Variants in EFHD1 observed in about 807,000 individuals in gnomAD.
EFHD1 encodes EF-hand domain family member D1, also known as EF-hand domain-containing protein D1.
In EFHD1, 10 loss-of-function variants were observed where a neutral mutation model predicts 17.2. That is an observed-to-expected ratio of 0.58 (90% CI 0.36 to 0.99). EFHD1 has a LOEUF of 0.99. Ranked by LOEUF, EFHD1 falls within the 50% of genes least tolerant of loss-of-function variation. EFHD1 has a pLI of 0.01. For missense variants in EFHD1, 310 were observed against 327.5 expected (o/e 0.95, Z 0.41); for synonymous variants, 153 against 142.0 (o/e 1.08, Z -0.55).
At chr2:232,647,788 C>A (rs1004477299) in intron 1 of EFHD1, among the ~76,000 whole-genome samples, 1 of 152,150 alleles carries the variant, frequency 6.6e-6, no homozygotes, top group Non-Finnish European at 1.5e-5. Flanking sequence ...AGGCACCCAC[C>A]ACCACACCCG....
chr2:232,621,184 T>C (rs1694010928), intron 1 of EFHD1, among the ~76,000 whole-genome samples: 1 of 152,200 alleles, frequency 6.6e-6, no homozygotes, highest in South Asian at 2.1e-4. Flanking sequence ...AGTGGCTGTC[T>C]GCATAGCAGG....
Position 232,668,607 on chromosome 2 carries a change from TA to T in EFHD1, c.451-3696del, listed in dbSNP as rs1486429688. 3.3e-5 allele frequency among the ~76,000 whole-genome samples: 5 copies of T among 152,198 alleles called. No individual in the cohort carries two copies. The East Asian group carries it at 7.7e-4, about 23-fold the overall frequency. ...CTGGGGGTGGTGCTCTGTCTTCTCT[TA>T]AAAAATATTTTGTTTTATTATTTTA... On this transcript the variant is annotated intron_variant, in intron 2 of 3. Transcript: ENST00000264059.
intron 1 of EFHD1, among the ~76,000 whole-genome samples, chr2:232,660,293 C>T (rs1694837574): frequency 6.6e-6 from 1 of 151,932 alleles, no homozygotes; most frequent in South Asian, 2.1e-4. Flanking sequence ...CTCCTGGGTT[C>T]ATGCCATTCT....
At chr2:232,637,964 C>T (rs1694348822) in intron 1 of EFHD1, among the ~76,000 whole-genome samples, 1 of 152,110 alleles carries the variant, frequency 6.6e-6, no homozygotes, top group Non-Finnish European at 1.5e-5. Context: ...ATGAGGCTGG[C>T]TCCTAAATGG....
chr2:232,634,225 G>T (rs1459250138), intron 1 of EFHD1, among the ~76,000 whole-genome samples: 4 of 152,118 alleles, frequency 2.6e-5, no homozygotes, highest in African/African-American at 4.8e-5. Flanking sequence ...TCTCCGGGAC[G>T]GAGCCCAAAA....
intron 1 of EFHD1, chr2:232,649,945 G>A (rs995344893): frequency 1.3e-5 from 2 of 152,256 alleles, no homozygotes; most frequent in African/African-American, 2.4e-5. Context: ...CCCATCGGGT[G>A]CCCACACTGA....
intron 1 of EFHD1, among the ~76,000 whole-genome samples, chr2:232,653,086 T>C (rs555688051): frequency 1.3e-5 from 2 of 151,940 alleles, no homozygotes; most frequent in Admixed American, 1.3e-4. Context: ...CTCTGTCCCC[T>C]GGGTTCAAGA....
chr2:232,629,748 C>T (rs1694170031), upstream of EFHD1, among the ~76,000 whole-genome samples: 2 of 151,142 alleles, frequency 1.3e-5, no homozygotes, highest in Middle Eastern at 3.5e-3. Flanking sequence ...GGATTATAGG[C>T]ATGAGCCACC....
chr2:232,674,055 C>T (rs1239680260), intron 3 of EFHD1, among the ~76,000 whole-genome samples: 1 of 151,976 alleles, frequency 6.6e-6, no homozygotes. Context: ...CCTACAGGCG[C>T]CCACCACCAC....
chr2:232,623,289 T>C lies in EFHD1; in HGVS notation c.14+17116T>C, dbSNP rs930048453. Among the ~76,000 whole-genome samples, 5 of 152,222 alleles carry C rather than the reference T, an allele frequency of 3.3e-5. 1 individual carries two copies. The East Asian group carries it at 9.7e-4, about 30-fold the overall frequency. On this transcript the variant is annotated intron_variant, in intron 1 of 3. Transcript: ENST00000409613. ...TCAAACTCCTAGACACAATCCATCCTCCCACTTCAGTCTCCCAAAGTGCTG... is the reference window on the plus strand; with the variant it reads ...TCAAACTCCTAGACACAATCCATCCCCCCACTTCAGTCTCCCAAAGTGCTG...
chr2:232,677,722 C>CA (rs898269037), intron 3 of EFHD1, among the ~76,000 whole-genome samples: 13 of 151,586 alleles, frequency 8.6e-5, no homozygotes, highest in African/African-American at 2.7e-4. Context: ...GACCTTGTCT[C>CA]AAAAAAAAGA....
At chr2:232,648,372 T>G (rs922946498) in intron 1 of EFHD1, among the ~76,000 whole-genome samples, 8 of 152,192 alleles carry the variant, frequency 5.3e-5, no homozygotes, top group Non-Finnish European at 1.2e-4. Context: ...TCAGTCTGCA[T>G]GCAGCTAGAG....
chr2:232,681,997 T>G lies in EFHD1; in HGVS notation c.*278T>G, dbSNP rs1362029146. 1 of 378,014 alleles carries G rather than the reference T, an allele frequency of 2.6e-6. No individual in the cohort carries two copies. Among genetic ancestry groups the G allele is most frequent in the Non-Finnish European group, 4.8e-6 (1 of 210,504 alleles). 23.4% of individuals were successfully genotyped at this position (378,014 alleles called of 1,614,324 possible). On this transcript the variant is annotated 3_prime_UTR_variant, in exon 4 of 4. Coordinates refer to ENST00000264059, the MANE Select transcript of EFHD1 (RefSeq NM_025202.4). ...TTGTATCTTCTCAGCAACCTTCACT[T>G]TGTCCTTGTCCCTTTACCATTCCCC...
chr2:232,642,226 T>C (rs1337717427), intron 1 of EFHD1, among the ~76,000 whole-genome samples: 1 of 151,480 alleles, frequency 6.6e-6, no homozygotes, highest in Non-Finnish European at 1.5e-5. Context: ...CTACTAAAAA[T>C]ACAAAAATTA....
chr2:232,670,352 G>T (rs1028248511), intron 2 of EFHD1, among the ~76,000 whole-genome samples: 27 of 151,822 alleles, frequency 1.8e-4, no homozygotes, highest in Admixed American at 1.7e-3. Flanking sequence ...GAGGCGGGAG[G>T]ATCACTTGAA....
chr2:232,659,559 C>G (rs980103674), intron 1 of EFHD1, among the ~76,000 whole-genome samples: 1 of 152,046 alleles, frequency 6.6e-6, no homozygotes, highest in Non-Finnish European at 1.5e-5. Context: ...ACCTTGGGAG[C>G]CTTAACTACT....
chr2:232,653,871 A>G (rs897638156), intron 1 of EFHD1, among the ~76,000 whole-genome samples: 1 of 152,252 alleles, frequency 6.6e-6, no homozygotes, highest in Admixed American at 6.5e-5. Flanking sequence ...GTTTCCCAGC[A>G]CATTCTCTCC....
At chr2:232,610,323 G>A (rs1055457883) in intron 1 of EFHD1, among the ~76,000 whole-genome samples, 10 of 152,212 alleles carry the variant, frequency 6.6e-5, no homozygotes, top group African/African-American at 2.4e-4. Flanking sequence ...GGGAGTAGGG[G>A]CAGGTGAGCT....
chr2:232,664,606 G>GTTTTTTTTTTTTTTTTTTTT, intron 2 of EFHD1, among the ~76,000 whole-genome samples: 1 of 62,676 alleles, frequency 1.6e-5, no homozygotes, highest in Non-Finnish European at 2.8e-5. Flanking sequence ...CCCCAAAATA[G>GTTTTTTTTTTTTTTTTTTTT]TTTTTTTTTT....
Sources: allele counts gnomAD v4.1 joint callset (sites outside exome capture counted in the v4.1 genomes callset), GRCh38; gene constraint gnomAD v4.1.1; transcripts MANE v1.5; gene names NCBI Gene and HGNC (gene_info 2026-07-23, HGNC 2026-07-21).